Variants in WIPF3 observed in about 807,000 individuals in gnomAD.
The protein encoded by WIPF3 is WAS/WASL-interacting protein family member 3.
In WIPF3, 33 loss-of-function variants were observed where a neutral mutation model predicts 38.9. The ratio of observed to expected loss-of-function variants is 0.85; its 90% CI spans 0.64 to 1.14. The LOEUF (loss-of-function observed/expected upper bound fraction) is 1.14, where lower values mean the gene tolerates loss of function less well. WIPF3 is among the 50% of genes most tolerant of loss of function. The pLI, the probability that WIPF3 is intolerant of heterozygous loss-of-function variation, is 0.00. For missense variants in WIPF3, 711 were observed against 652.5 expected, an observed-to-expected ratio of 1.09 and a Z score of -0.98; for synonymous variants, 324 against 269.3, an observed-to-expected ratio of 1.20 and a Z score of -1.99.
chr7:29,814,455 T>G (rs1329986359), intron 1 of WIPF3, among the ~76,000 whole-genome samples: 2 of 152,196 alleles, frequency 1.3e-5, no homozygotes, highest in South Asian at 2.1e-4. Flanking sequence ...GCTAGCTTAG[T>G]GTCTAACAGA....
At chr7:29,868,229 C>G (rs978444401) in intron 2 of WIPF3, among the ~76,000 whole-genome samples, 1 of 151,954 alleles carries the variant, frequency 6.6e-6, no homozygotes, top group African/African-American at 2.4e-5. Flanking sequence ...TGGGGCATCC[C>G]CAGAAGAGGA....
chr7:29,865,532 A>C (rs909404330), intron 2 of WIPF3, among the ~76,000 whole-genome samples: 1 of 152,132 alleles, frequency 6.6e-6, no homozygotes, highest in African/African-American at 2.4e-5. Flanking sequence ...GATCACTGCA[A>C]ACCAAAGAAG....
chr7:29,842,037 C>A (rs1271722983), intron 2 of WIPF3, among the ~76,000 whole-genome samples: 1 of 152,212 alleles, frequency 6.6e-6, no homozygotes, highest in Admixed American at 6.5e-5. Flanking sequence ...AGAAGCCCCT[C>A]GGGGGCCTGT....
At chr7:29,883,683 C>A (rs1264110420) in intron 4 of WIPF3, among the ~76,000 whole-genome samples, 167 bp from the exon 5 acceptor site, 2 of 152,152 alleles carry the variant, frequency 1.3e-5, no homozygotes, top group Non-Finnish European at 2.9e-5. Context: ...GTTGGTCCTT[C>A]TGGGTGACAG....
intron 2 of WIPF3, among the ~76,000 whole-genome samples, chr7:29,865,668 C>G (rs1270460640): frequency 6.6e-6 from 1 of 152,054 alleles, no homozygotes; most frequent in Non-Finnish European, 1.5e-5. Context: ...GTCTGGTGAC[C>G]TAGGGGCCCA....
chr7:29,812,656 T>G (rs958357272), intron 1 of WIPF3, among the ~76,000 whole-genome samples: 14 of 152,176 alleles, frequency 9.2e-5, no homozygotes, highest in Non-Finnish European at 1.8e-4. Flanking sequence ...TCTAAATATA[T>G]TAGAGTCTGA....
chr7:29,913,058 A>C (rs1341108881), intron 8 of WIPF3, among the ~76,000 whole-genome samples: 1 of 152,044 alleles, frequency 6.6e-6, no homozygotes, highest in Non-Finnish European at 1.5e-5. Context: ...AAAAATGATT[A>C]CTAGTCAGCT....
chr7:29,809,924 G>A (rs751698784), intron 1 of WIPF3, among the ~76,000 whole-genome samples: 5 of 152,150 alleles, frequency 3.3e-5, no homozygotes, highest in African/African-American at 7.2e-5. Context: ...ATCTAGGATG[G>A]TGGCATCCAG....
At chr7:29,911,670 C>T (rs1215702880) in intron 8 of WIPF3, among the ~76,000 whole-genome samples, 1 of 152,108 alleles carries the variant, frequency 6.6e-6, no homozygotes. Flanking sequence ...GTGCCAAGAC[C>T]ATTCAATAGG....
chr7:29,831,247 A>G (rs1487556656), intron 1 of WIPF3, among the ~76,000 whole-genome samples: 3 of 152,238 alleles, frequency 2.0e-5, no homozygotes, highest in Non-Finnish European at 4.4e-5. Flanking sequence ...TATGGAGAAA[A>G]TATAAGTGTT....
At chr7:29,877,614 G>A (rs2128073991) in intron 3 of WIPF3, among the ~76,000 whole-genome samples, 1 of 152,318 alleles carries the variant, frequency 6.6e-6, no homozygotes, top group East Asian at 1.9e-4. Flanking sequence ...TCAGTGTCAG[G>A]AATGATGGTA....
intron 1 of WIPF3, among the ~76,000 whole-genome samples, chr7:29,831,072 C>T (rs1346412079): frequency 6.6e-6 from 1 of 152,206 alleles, no homozygotes; most frequent in African/African-American, 2.4e-5. Context: ...CTTCTTGTTT[C>T]AGCTCTCATC....
chr7:29,897,758 C>T (rs2128079255), intron 7 of WIPF3, among the ~76,000 whole-genome samples: 1 of 152,284 alleles, frequency 6.6e-6, no homozygotes, highest in South Asian at 2.1e-4. Context: ...TTATTTCCAT[C>T]TTTGCGGAAG....
chr7:29,858,431 C>T (rs1484325863), intron 2 of WIPF3, among the ~76,000 whole-genome samples: 5 of 152,274 alleles, frequency 3.3e-5, no homozygotes, highest in African/African-American at 1.2e-4. Context: ...TACATCAGCC[C>T]ACACCACTCT....
At chr7:29,832,044 G>A (rs1484545571) in intron 1 of WIPF3, among the ~76,000 whole-genome samples, 1 of 152,130 alleles carries the variant, frequency 6.6e-6, no homozygotes, top group African/African-American at 2.4e-5. Context: ...GTTTGTAAAG[G>A]TTATTCTTCC....
chr7:29,889,495 A>G, intron 7 of WIPF3, 88 bp downstream of exon 7: 2 of 956,404 alleles, frequency 2.1e-6, no homozygotes, highest in Admixed American at 1.9e-5. Context: ...CAGACTGTCT[A>G]AAGGATGATG....
In WIPF3 at chr7:29,834,833, A is replaced by G. The variant is rs1446964794; in HGVS notation, c.90+19A>G. ...ACCCCCGGTAAGACCTTTTTTTCTG[A>G]TTGGTTTACTGTGGAGCATAAACTG... On this transcript the variant is annotated intron_variant, in intron 2 of 8. Transcript: ENST00000242140. The G allele has an allele frequency of 1.5e-6, 2 of 1,373,042 alleles. No individual in the cohort carries two copies. Among genetic ancestry groups the G allele is most frequent in the South Asian group, 1.3e-5 (1 of 79,678 alleles). The allele number at this position is 1,373,042 out of a possible 1,614,324, so 85.1% of individuals were successfully genotyped here.
chr7:29,831,292 G>A (rs146887954), intron 1 of WIPF3, among the ~76,000 whole-genome samples: 15 of 152,286 alleles, frequency 9.8e-5, no homozygotes, highest in East Asian at 9.6e-4. Flanking sequence ...TCCTAGTGCC[G>A]TTGGCCATGG....
intron 1 of WIPF3, among the ~76,000 whole-genome samples, chr7:29,813,469 G>A (rs1286233447): frequency 2.0e-5 from 3 of 152,260 alleles, no homozygotes; most frequent in Admixed American, 6.5e-5. Flanking sequence ...GCTCATACCC[G>A]CCCCTGCTTC....
Sources: allele counts gnomAD v4.1 joint callset (sites outside exome capture counted in the v4.1 genomes callset), GRCh38; gene constraint gnomAD v4.1.1; transcripts MANE v1.5; gene names NCBI Gene and HGNC (gene_info 2026-07-23, HGNC 2026-07-21).